STK32A: variants seen among roughly 807,000 people sequenced by gnomAD.
STK32A encodes the protein serine/threonine-protein kinase 32A.
A neutral mutation model predicts 53.2 loss-of-function variants in STK32A; 41 were observed. The observed-to-expected ratio is 0.77, with a 90% CI of 0.60 to 1.00. The LOEUF (loss-of-function observed/expected upper bound fraction) is 1.00. Ranked by LOEUF, STK32A falls within the 50% of genes least tolerant of loss-of-function variation. The pLI, the probability that STK32A is intolerant of heterozygous loss-of-function variation, is 0.00. For missense variants in STK32A, 458 were observed against 485.8 expected (o/e 0.94, Z 0.54); for synonymous variants, 166 against 162.8 (o/e 1.02, Z -0.15).
At chr5:147,349,399 A>G (rs17482628) in intron 6 of STK32A, among the ~76,000 whole-genome samples, 35,175 of 152,132 alleles carry the variant, frequency 0.23, 5,559 homozygotes, top group Non-Finnish European at 0.34. Context: ...ATGCCCTCCA[A>G]TTACAGCTGT....
intron 4 of STK32A, among the ~76,000 whole-genome samples, chr5:147,314,325 C>T (rs897322694): frequency 4.0e-5 from 6 of 151,776 alleles, no homozygotes; most frequent in African/African-American, 1.5e-4. Flanking sequence ...TGGTGAAACC[C>T]TGTCTCTACT....
chr5:147,397,880 G>C, the STK32A span: 1 of 1,249,570 alleles, frequency 8.0e-7, no homozygotes, highest in East Asian at 2.9e-5. Context: ...GCCACAGTAA[G>C]GGTAGAGAAA....
At chr5:147,311,378 T>C (rs1217600774) in intron 4 of STK32A, among the ~76,000 whole-genome samples, 9 of 152,212 alleles carry the variant, frequency 5.9e-5, no homozygotes, top group Admixed American at 5.2e-4. Flanking sequence ...AAAATATTTG[T>C]AAAATGACCA....
At chr5:147,401,493 A>C in the STK32A span, 7 of 1,562,886 alleles carry the variant, frequency 4.5e-6, no homozygotes, top group African/African-American at 1.3e-5. Flanking sequence ...GCTGGACTCA[A>C]GAGATGTTTT....
intron 4 of STK32A, among the ~76,000 whole-genome samples, chr5:147,305,395 G>A (rs1258874210): frequency 6.6e-6 from 1 of 152,146 alleles, no homozygotes; most frequent in Non-Finnish European, 1.5e-5. Context: ...CAGTGCGCAA[G>A]TGGGCATTAT....
intron 7 of STK32A, among the ~76,000 whole-genome samples, chr5:147,357,378 TC>T (rs1756297240): frequency 6.6e-6 from 1 of 152,128 alleles, no homozygotes. Flanking sequence ...TTCTTTGACT[TC>T]TTTTGTCAAT....
intron 2 of STK32A, among the ~76,000 whole-genome samples, chr5:147,255,357 C>A (rs138036951): frequency 2.8e-3 from 425 of 152,202 alleles, no homozygotes; most frequent in African/African-American, 9.9e-3. Context: ...AGGGAGGTTT[C>A]AGTAAGTGAC....
chr5:147,346,186 T>C (rs1442554831), intron 6 of STK32A, among the ~76,000 whole-genome samples: 1 of 152,206 alleles, frequency 6.6e-6, no homozygotes, highest in Admixed American at 6.5e-5. Context: ...CACAAATCAA[T>C]GCCTGCCTTT....
intron 2 of STK32A, among the ~76,000 whole-genome samples, chr5:147,270,574 G>A (rs1754985839): frequency 6.6e-6 from 1 of 152,106 alleles, no homozygotes; most frequent in African/African-American, 2.4e-5. Flanking sequence ...CCTGAGATAT[G>A]TTAAACAGAG....
chr5:147,375,451 A>G (rs1340419107), intron 11 of STK32A: 3 of 396,728 alleles, frequency 7.6e-6, no homozygotes, highest in Admixed American at 4.5e-5. Context: ...AACTTGACTC[A>G]GTTATTTCTC....
chr5:147,390,350 G>A (rs1038609353), downstream of STK32A, among the ~76,000 whole-genome samples: 5 of 152,030 alleles, frequency 3.3e-5, no homozygotes, highest in Non-Finnish European at 5.9e-5. Flanking sequence ...TTTACTCCTT[G>A]GGATCCATTT....
intron 2 of STK32A, among the ~76,000 whole-genome samples, chr5:147,249,567 T>C (rs905011400): frequency 6.6e-6 from 1 of 152,038 alleles, no homozygotes; most frequent in African/African-American, 2.4e-5. Context: ...TAATTTTCCA[T>C]AAGTGCTATG....
At chr5:147,374,993 C>A in intron 10 of STK32A, 97 bp from the exon 11 acceptor site, 1 of 1,123,184 alleles carries the variant, frequency 8.9e-7, no homozygotes, top group Non-Finnish European at 1.2e-6. Flanking sequence ...TCATGGACTG[C>A]TCCGTTAAGA....
intron 11 of STK32A, 95 bp downstream of exon 11, chr5:147,375,313 TG>T: frequency 6.9e-7 from 1 of 1,448,776 alleles, no homozygotes; most frequent in Non-Finnish European, 9.2e-7. Context: ...TTCAGCTTCC[TG>T]CTTTTGCTGC....
chr5:147,243,725 G>A (rs1416876597), intron 2 of STK32A, among the ~76,000 whole-genome samples: 1 of 122,684 alleles, frequency 8.2e-6, no homozygotes, highest in African/African-American at 3.1e-5. Flanking sequence ...TGGCAACAGA[G>A]CAAGACTCTG....
intron 6 of STK32A, chr5:147,348,827 C>T: frequency 1.4e-6 from 1 of 710,828 alleles, no homozygotes; most frequent in South Asian, 1.5e-5. Flanking sequence ...TACTTCTTGC[C>T]AAATGCTGTG....
intron 2 of STK32A, among the ~76,000 whole-genome samples, chr5:147,246,296 G>A (rs1199470125): frequency 6.6e-6 from 1 of 152,136 alleles, no homozygotes; most frequent in Non-Finnish European, 1.5e-5. Context: ...AAAGGGATTG[G>A]AGAAACAAAC....
chr5:147,370,601 T>C, intron 8 of STK32A, 53 bp from the exon 9 acceptor site: 1 of 1,174,244 alleles, frequency 8.5e-7, no homozygotes. Flanking sequence ...TGGAAATTTT[T>C]TTTTTCTTTT....
intron 2 of STK32A, among the ~76,000 whole-genome samples, chr5:147,273,793 G>A (rs1755145736): frequency 6.6e-6 from 1 of 152,096 alleles, no homozygotes; most frequent in South Asian, 2.1e-4. Flanking sequence ...ACAAGTCTTT[G>A]CCTTACTTTC....
Sources: allele counts gnomAD v4.1 joint callset (sites outside exome capture counted in the v4.1 genomes callset), GRCh38; gene constraint gnomAD v4.1.1; transcripts MANE v1.5; gene names NCBI Gene and HGNC (gene_info 2026-07-23, HGNC 2026-07-21).